The following ARHGAP10 variants were observed in gnomAD, a reference collection of about 807,000 sequenced individuals.
The protein encoded by ARHGAP10 is Rho GTPase activating protein 10, also known as rho GTPase-activating protein 10.
A neutral mutation model predicts 108.6 loss-of-function variants in ARHGAP10; 87 were observed. That is an observed-to-expected ratio of 0.80 (90% CI 0.67 to 0.96). ARHGAP10 has a LOEUF of 0.96. ARHGAP10 is among the 40% of genes least tolerant of loss of function. The pLI, the probability that ARHGAP10 is intolerant of heterozygous loss-of-function variation, is 0.00. For synonymous variants in ARHGAP10, 347 were observed against 341.1 expected, an observed-to-expected ratio of 1.02 and a Z score of -0.19; for missense variants, 939 against 954.5, an observed-to-expected ratio of 0.98 and a Z score of 0.21.
At chr4:147,792,006 T>C (rs1262641813) in intron 1 of ARHGAP10, among the ~76,000 whole-genome samples, 2 of 152,244 alleles carry the variant, frequency 1.3e-5, no homozygotes, top group East Asian at 1.9e-4. Flanking sequence ...GCGTGTATGA[T>C]GTGTATGTGC....
intron 3 of ARHGAP10, among the ~76,000 whole-genome samples, chr4:147,842,745 G>C (rs1171029264): frequency 6.6e-6 from 1 of 152,108 alleles, no homozygotes; most frequent in East Asian, 1.9e-4. Flanking sequence ...GAAGCTCTGC[G>C]CAGCTTGCCA....
At chr4:147,968,850 C>T (rs921572491) in intron 18 of ARHGAP10, among the ~76,000 whole-genome samples, 5 of 152,144 alleles carry the variant, frequency 3.3e-5, no homozygotes, top group African/African-American at 1.2e-4. Flanking sequence ...GCCGGATGTG[C>T]AGATGAATAT....
chr4:147,911,490 G>A (rs1191620444), intron 12 of ARHGAP10, among the ~76,000 whole-genome samples: 1 of 152,126 alleles, frequency 6.6e-6, no homozygotes, highest in African/African-American at 2.4e-5. Context: ...AACCTCCCGA[G>A]TAACTGGGAC....
At chr4:147,887,777 T>A (rs1395326244) in intron 10 of ARHGAP10, among the ~76,000 whole-genome samples, 1 of 151,824 alleles carries the variant, frequency 6.6e-6, no homozygotes, top group Non-Finnish European at 1.5e-5. Context: ...CAGGAGAATT[T>A]TTTGAACCTG....
chr4:147,960,297 C>A (rs1738945224), intron 16 of ARHGAP10, among the ~76,000 whole-genome samples: 1 of 151,896 alleles, frequency 6.6e-6, no homozygotes. Context: ...ATTTCTTAGC[C>A]TTTTTGCATC....
At chr4:147,974,557 A>T (rs78087548) in intron 18 of ARHGAP10, among the ~76,000 whole-genome samples, 22,716 of 152,168 alleles carry the variant, frequency 0.15, 2,027 homozygotes, top group African/African-American at 0.25. Flanking sequence ...TTCAGATTAC[A>T]TTGATCTTAT....
At chr4:148,070,041 T>C (rs1192126755) in intron 22 of ARHGAP10, among the ~76,000 whole-genome samples, 4 of 152,242 alleles carry the variant, frequency 2.6e-5, no homozygotes, top group Non-Finnish European at 4.4e-5. Flanking sequence ...CTGAATTTGC[T>C]TACTCAGTCA....
chr4:147,960,447 C>T (rs892111716), intron 16 of ARHGAP10, among the ~76,000 whole-genome samples: 8 of 151,880 alleles, frequency 5.3e-5, no homozygotes, highest in Non-Finnish European at 1.2e-4. Flanking sequence ...TTCATAAAAT[C>T]GATGGTAAGG....
intron 3 of ARHGAP10, among the ~76,000 whole-genome samples, chr4:147,841,677 T>A (rs1197121905): frequency 6.6e-6 from 1 of 152,192 alleles, no homozygotes; most frequent in Non-Finnish European, 1.5e-5. Context: ...TCAGTTGACA[T>A]TGCCTTATTG....
At chr4:147,752,669 AG>A in intron 1 of ARHGAP10, among the ~76,000 whole-genome samples, 1 of 152,094 alleles carries the variant, frequency 6.6e-6, no homozygotes, top group South Asian at 2.1e-4. Context: ...CTGGAATTAC[AG>A]GTGTGCGCCG....
intron 18 of ARHGAP10, among the ~76,000 whole-genome samples, chr4:147,972,284 T>C (rs1739441172): frequency 6.6e-6 from 1 of 152,200 alleles, no homozygotes; most frequent in Admixed American, 6.5e-5. Flanking sequence ...GTAATTCTAG[T>C]GTATGAGGAT....
chr4:147,867,182 C>T (rs192262318), intron 7 of ARHGAP10, among the ~76,000 whole-genome samples: 9 of 152,238 alleles, frequency 5.9e-5, no homozygotes, highest in Non-Finnish European at 1.2e-4. Flanking sequence ...CCCAGATAGG[C>T]TTATCATTTG....
intron 4 of ARHGAP10, 119 bp from the exon 5 acceptor site, chr4:147,857,434 A>T (rs768758672): frequency 3.0e-6 from 3 of 990,380 alleles, no homozygotes; most frequent in African/African-American, 3.4e-5. Flanking sequence ...TAGCTTTATC[A>T]CATTCAGAGT....
rs112661658 is a variant in ARHGAP10, at chr4:147,923,858, T to G, written c.1228+10719T>G. ...ATCTTCAGGGGTATGGAAAGGAAGA[T>G]GTCCAGAGTGAACCTGAAACATATT... On this transcript the variant is annotated intron_variant, in intron 13 of 22. Coordinates refer to ENST00000336498, the MANE Select transcript of ARHGAP10 (RefSeq NM_024605.4). Among the ~76,000 whole-genome samples, 828 of 152,346 alleles carry G rather than the reference T, an allele frequency of 5.4e-3. 9 individuals are homozygous for G. Among genetic ancestry groups the G allele is most frequent in the Middle Eastern group, 0.017 (5 of 294 alleles).
chr4:147,980,003 A>C (rs1739749257), intron 18 of ARHGAP10, among the ~76,000 whole-genome samples: 1 of 152,116 alleles, frequency 6.6e-6, no homozygotes, highest in Admixed American at 6.5e-5. Context: ...ATTTGACTTC[A>C]TCTTTTCCTA....
chr4:147,784,901 TTATAAA>T (rs1730813698), intron 1 of ARHGAP10, among the ~76,000 whole-genome samples: 1 of 120,400 alleles, frequency 8.3e-6, no homozygotes, highest in African/African-American at 3.2e-5. Context: ...AAAATATATA[TTATAAA>T]TATAATATAT....
At chr4:148,050,870 G>A (rs1729107117) in intron 20 of ARHGAP10, among the ~76,000 whole-genome samples, 1 of 152,104 alleles carries the variant, frequency 6.6e-6, no homozygotes, top group South Asian at 2.1e-4. Flanking sequence ...CTAAGTAAAT[G>A]CTCATTAAGA....
chr4:148,027,472 G>A (rs910320824), intron 19 of ARHGAP10, among the ~76,000 whole-genome samples: 17 of 152,314 alleles, frequency 1.1e-4, no homozygotes, highest in African/African-American at 3.1e-4. Context: ...GTCCTACAGC[G>A]TGGTAGATAC....
At position 147,938,866 on chromosome 4, in the gene ARHGAP10, C is replaced by T. The variant is rs546293371; in HGVS notation, c.1229-959C>T. Among the ~76,000 whole-genome samples the T allele has an allele frequency of 2.0e-5, 3 of 152,226 alleles. No homozygotes were observed. The East Asian group carries it at 5.8e-4, about 29-fold the overall frequency. On this transcript the variant is annotated intron_variant, in intron 13 of 22. Transcript: ENST00000336498. The stretch of plus-strand genomic sequence containing the variant: ...TCATTTGAGAAGTAAATATAAGTCA[C>T]ATTTTTTGGAAGTCATTATTATGAA...
Sources: gnomAD v4.1 joint callset for allele counts (sites outside exome capture counted in the v4.1 genomes callset) on GRCh38, gnomAD v4.1.1 for gene constraint, MANE v1.5 for transcripts, NCBI Gene and HGNC (gene_info 2026-07-23, HGNC 2026-07-21) for gene names.